The following CEP41 variants were observed in gnomAD, a reference collection of about 807,000 sequenced individuals.
CEP41 encodes centrosomal protein 41, also known as centrosomal protein of 41 kDa.
Under a neutral mutation model 44.3 loss-of-function variants are expected in CEP41, and 32 were observed. The observed-to-expected ratio is 0.72, with a 90% CI of 0.54 to 0.97. The LOEUF (loss-of-function observed/expected upper bound fraction) is 0.97. Among genes scored for constraint, CEP41 ranks in the 50% least tolerant of loss-of-function variants. The pLI is 0.00. For synonymous variants in CEP41, 151 were observed against 168.5 expected (o/e 0.90, Z 0.80); for missense variants, 432 against 455.2 (o/e 0.95, Z 0.46).
chr7:130,394,215 C>T lies in CEP41; in HGVS notation c.*4676G>A, dbSNP rs1285354327. On this transcript the variant is annotated 3_prime_UTR_variant, in exon 11 of 11. Coordinates refer to ENST00000223208, the MANE Select transcript of CEP41 (RefSeq NM_018718.3). The stretch of plus-strand genomic sequence containing the variant: ...GTGGCTGAAAGAACACCCTCTGGAG[C>T]CACAGTTCTCAGGCTGGCTCCTGGC... 1.1e-5 allele frequency: 5 copies of T among 453,904 alleles called. No individual in the cohort carries two copies. Among genetic ancestry groups the T allele is most frequent in the African/African-American group, 1.0e-4 (5 of 49,972 alleles). 28.1% of individuals were successfully genotyped at this position (453,904 alleles called of 1,614,324 possible).
At chr7:130,421,061 T>G in intron 2 of CEP41, 1 of 983,240 alleles carries the variant, frequency 1.0e-6, no homozygotes. Flanking sequence ...ACAACTAAAG[T>G]TGTGATAAAA....
At chr7:130,412,109 G>T in intron 4 of CEP41, 70 bp downstream of exon 4, 1 of 869,442 alleles carries the variant, frequency 1.2e-6, no homozygotes, top group Non-Finnish European at 2.0e-6. Context: ...CCCTAGAGTT[G>T]AATTTAGAAA....
rs992467532 is a variant in CEP41, at chr7:130,394,771, C to T, written c.*4120G>A. 2.2e-6 allele frequency: 1 copy of T among 454,080 alleles called. No individual in the cohort carries two copies. Among genetic ancestry groups the T allele is most frequent in the Non-Finnish European group, 4.4e-6 (1 of 226,792 alleles). The allele number at this position is 454,080 out of a possible 1,614,324, so 28.1% of individuals were successfully genotyped here. ...GGTTCAATTCATTTATTCATGAACA[C>T]TTATTAAGGGCCACTGTCACAGGGT... On this transcript the variant is annotated 3_prime_UTR_variant, in exon 11 of 11. Coordinates refer to ENST00000223208, the MANE Select transcript of CEP41 (RefSeq NM_018718.3).
rs150809688 is a variant in CEP41, at chr7:130,405,836, A to G, written c.278-1128T>C. Among the ~76,000 whole-genome samples, 229 of 152,332 alleles carry G rather than the reference A, an allele frequency of 1.5e-3. 1 individual carries two copies. In the East Asian group the frequency reaches 0.021, roughly 14 times the overall value. On this transcript the variant is annotated intron_variant, in intron 5 of 10. Coordinates refer to ENST00000223208, the MANE Select transcript of CEP41 (RefSeq NM_018718.3). ...CAGTTGTCAAGTTTTATCTGAAAGG[A>G]CTATTGAAATATTTCTCCCTTTTCC...
chr7:130,418,670 T>A (rs1263813636), intron 2 of CEP41, among the ~76,000 whole-genome samples: 2 of 152,224 alleles, frequency 1.3e-5, no homozygotes, highest in African/African-American at 4.8e-5. Flanking sequence ...AGTTAGTAAC[T>A]AAGCCAGGAT....
chr7:130,399,412 TCA>T (rs1584866657), intron 10 of CEP41: 1 of 280,282 alleles, frequency 3.6e-6, no homozygotes, highest in East Asian at 8.5e-5. Context: ...ACAGAGGCTC[TCA>T]GAGTGGAGAA....
rs1488445365 is a variant in CEP41 at position 130,396,129 on chromosome 7, A to C, written c.*2762T>G. On this transcript the variant is annotated 3_prime_UTR_variant, in exon 11 of 11. Transcript: ENST00000223208. ...TTCTTTTCTCCCTTCCTTAAACACA[A>C]ACCCCTTTAAAGCATTTAAGGTATT... 42 of 453,684 alleles carry C rather than the reference A, an allele frequency of 9.3e-5. No homozygotes were observed. The highest frequency in any genetic ancestry group is 9.4e-5 in the Admixed American group (4 of 42,544). 28.1% of individuals were successfully genotyped at this position (453,684 alleles called of 1,614,324 possible).
intron 3 of CEP41, among the ~76,000 whole-genome samples, chr7:130,413,971 T>A (rs782793832): frequency 1.3e-5 from 2 of 152,206 alleles, no homozygotes; most frequent in Non-Finnish European, 2.9e-5. Context: ...AAATGTCTCA[T>A]AAACCAAGAC....
At chr7:130,408,322 T>A (rs17164965) in intron 5 of CEP41, among the ~76,000 whole-genome samples, 10,630 of 152,236 alleles carry the variant, frequency 0.07, 590 homozygotes, top group African/African-American at 0.15. Flanking sequence ...TTTTTTCTCA[T>A]CCATTGTCAA....
intron 1 of CEP41, chr7:130,440,618 TTC>T: frequency 1.8e-6 from 1 of 550,472 alleles, no homozygotes; most frequent in Non-Finnish European, 3.3e-6. Context: ...CCTTTGTCTT[TTC>T]TGTTTTGTAA....
At chr7:130,417,209 A>G in intron 2 of CEP41, 1 of 1,318,318 alleles carries the variant, frequency 7.6e-7, no homozygotes, top group South Asian at 1.6e-5. Flanking sequence ...TACCCCCAAA[A>G]CATTGACAAG....
chr7:130,406,521 T>C (rs943973991), intron 5 of CEP41, among the ~76,000 whole-genome samples: 3 of 151,958 alleles, frequency 2.0e-5, no homozygotes, highest in South Asian at 4.2e-4. Flanking sequence ...GAGGTGGAGG[T>C]TGCAGTGAGC....
intron 2 of CEP41, chr7:130,420,797 G>A (rs1400102218): frequency 4.8e-6 from 3 of 622,522 alleles, no homozygotes; most frequent in Non-Finnish European, 6.0e-6. Context: ...AAATAAATAG[G>A]AAAAATACAC....
At chr7:130,420,142 T>G in intron 2 of CEP41, 1 of 806,656 alleles carries the variant, frequency 1.2e-6, no homozygotes, top group Non-Finnish European at 1.5e-6. Flanking sequence ...GGCAAAATAG[T>G]GAGACCTCGT....
intron 1 of CEP41, among the ~76,000 whole-genome samples, chr7:130,428,688 T>C (rs189608404): frequency 0.02 from 3,034 of 150,768 alleles, 36 homozygotes; most frequent in Non-Finnish European, 0.031. Flanking sequence ...CCGAGGCAGG[T>C]GGATCACAAG....
intron 3 of CEP41, among the ~76,000 whole-genome samples, chr7:130,413,031 G>A (rs1797230237): frequency 3.9e-5 from 6 of 152,018 alleles, no homozygotes; most frequent in South Asian, 2.1e-4. Flanking sequence ...TTTCTCTGTC[G>A]CCCAGGCTGG....
At chr7:130,407,472 T>C (rs961523446) in intron 5 of CEP41, among the ~76,000 whole-genome samples, 3 of 151,924 alleles carry the variant, frequency 2.0e-5, no homozygotes, top group Non-Finnish European at 4.4e-5. Flanking sequence ...TAGTAACATA[T>C]GTTAAAAAGG....
At chr7:130,417,231 A>G (rs531128283) in intron 2 of CEP41, 25 of 1,267,088 alleles carry the variant, frequency 2.0e-5, no homozygotes, top group Middle Eastern at 6.3e-4. Flanking sequence ...TCCAGGAGAT[A>G]CAGATGATCA....
At chr7:130,426,157 T>C (rs1797655473) in intron 2 of CEP41, among the ~76,000 whole-genome samples, 2 of 152,246 alleles carry the variant, frequency 1.3e-5, no homozygotes, top group African/African-American at 2.4e-5. Flanking sequence ...GGGTAAAGCG[T>C]ACATGGAATC....
Sources: allele counts gnomAD v4.1 joint callset (sites outside exome capture counted in the v4.1 genomes callset), GRCh38; gene constraint gnomAD v4.1.1; transcripts MANE v1.5; gene names NCBI Gene and HGNC (gene_info 2026-07-23, HGNC 2026-07-21).